NKAIN2: variants seen among roughly 807,000 people sequenced by gnomAD.
NKAIN2 encodes the protein sodium/potassium transporting ATPase interacting 2.
NKAIN2 carries 14 observed loss-of-function variants against 32.6 expected under a neutral mutation model. The observed-to-expected ratio is 0.43, with a 90% CI of 0.28 to 0.67. The LOEUF is 0.67. Ranked by LOEUF, NKAIN2 falls within the 30% of genes least tolerant of loss-of-function variation. The probability of loss-of-function intolerance (pLI) is 0.17; values close to 1 mark genes in which losing one functional copy is unlikely to be tolerated. For synonymous variants in NKAIN2, 80 were observed against 87.2 expected (o/e 0.92, Z 0.46); for missense variants, 198 against 258.3 (o/e 0.77, Z 1.60).
At chr6:124,492,133 A>C (rs559257718) in intron 3 of NKAIN2, among the ~76,000 whole-genome samples, 1 of 151,930 alleles carries the variant, frequency 6.6e-6, no homozygotes, top group Non-Finnish European at 1.5e-5. Flanking sequence ...TATAGCTCAC[A>C]GAATATTTTA....
At chr6:124,410,629 T>A (rs1370968184) in intron 3 of NKAIN2, among the ~76,000 whole-genome samples, 1 of 152,192 alleles carries the variant, frequency 6.6e-6, no homozygotes, top group Non-Finnish European at 1.5e-5. Context: ...TGTGGTCAAT[T>A]TTGGAATACA....
chr6:124,002,283 A>G (rs1417193252), intron 1 of NKAIN2, among the ~76,000 whole-genome samples: 2 of 152,142 alleles, frequency 1.3e-5, no homozygotes, highest in South Asian at 2.1e-4. Context: ...ATAGAGGGAA[A>G]ACATTAAAAA....
At chr6:123,965,975 G>T (rs140799379) in intron 1 of NKAIN2, among the ~76,000 whole-genome samples, 1 of 152,290 alleles carries the variant, frequency 6.6e-6, no homozygotes, top group African/African-American at 2.4e-5. Context: ...GCAAGTCTGT[G>T]TAGCTAGCTG....
chr6:124,162,156 T>C (rs1033036933), intron 1 of NKAIN2, among the ~76,000 whole-genome samples: 1 of 152,022 alleles, frequency 6.6e-6, no homozygotes, highest in African/African-American at 2.4e-5. Context: ...TTCTTAAGCA[T>C]CAGTGCCCTT....
At chr6:124,261,716 A>G (rs1378642896) in intron 1 of NKAIN2, among the ~76,000 whole-genome samples, 1 of 152,000 alleles carries the variant, frequency 6.6e-6, no homozygotes, top group African/African-American at 2.4e-5. Context: ...AAAAATTAGC[A>G]GGGCATTGTG....
At chr6:123,880,536 A>G (rs1356497408) in intron 1 of NKAIN2, among the ~76,000 whole-genome samples, 1 of 152,178 alleles carries the variant, frequency 6.6e-6, no homozygotes, top group Non-Finnish European at 1.5e-5. Context: ...TGGATGGTCC[A>G]CTAGCCACTG....
At chr6:124,787,332 A>T (rs1779551682) in intron 4 of NKAIN2, among the ~76,000 whole-genome samples, 1 of 152,110 alleles carries the variant, frequency 6.6e-6, no homozygotes, top group African/African-American at 2.4e-5. Context: ...ACAGTGAATT[A>T]AAAAATTAAA....
At chr6:124,332,773 A>T (rs1231256543) in intron 2 of NKAIN2, among the ~76,000 whole-genome samples, 2 of 152,220 alleles carry the variant, frequency 1.3e-5, no homozygotes, top group Non-Finnish European at 2.9e-5. Flanking sequence ...TGTTGCTATC[A>T]CCACTGTTGG....
intron 3 of NKAIN2, among the ~76,000 whole-genome samples, chr6:124,512,847 G>A (rs1443653063): frequency 6.6e-6 from 1 of 152,154 alleles, no homozygotes; most frequent in Admixed American, 6.5e-5. Flanking sequence ...TTACTGATAG[G>A]AGGGACGGTT....
intron 1 of NKAIN2, among the ~76,000 whole-genome samples, chr6:124,139,079 A>ATTTTTTTTTTTTTTTTT (rs900247440): frequency 5.0e-5 from 5 of 99,494 alleles, no homozygotes; most frequent in African/African-American, 8.5e-5. Flanking sequence ...TTAAATAAAA[A>ATTTTTTTTTTTTTTTTT]TTTTTTTTTT....
intron 1 of NKAIN2, among the ~76,000 whole-genome samples, chr6:123,969,524 G>A (rs111964931): frequency 2.0e-5 from 3 of 152,128 alleles, no homozygotes; most frequent in East Asian, 1.9e-4. Flanking sequence ...CAGTAATGCC[G>A]GAGCCAGAAT....
At chr6:124,313,000 G>A (rs1796787478) in intron 2 of NKAIN2, among the ~76,000 whole-genome samples, 1 of 152,014 alleles carries the variant, frequency 6.6e-6, no homozygotes, top group Non-Finnish European at 1.5e-5. Context: ...GGCCTAAAGT[G>A]CCCCAACATT....
chr6:124,774,423 G>A (rs750592487), intron 4 of NKAIN2, among the ~76,000 whole-genome samples: 3 of 152,160 alleles, frequency 2.0e-5, no homozygotes, highest in Non-Finnish European at 4.4e-5. Flanking sequence ...AACAGCTATG[G>A]ATACAGTTAG....
chr6:124,741,146 GTAGT>G (rs1777188145), intron 4 of NKAIN2, among the ~76,000 whole-genome samples: 1 of 151,644 alleles, frequency 6.6e-6, no homozygotes, highest in Non-Finnish European at 1.5e-5. Context: ...GTGAAGGAGT[GTAGT>G]TAGAGGAGGA....
At chr6:124,383,681 C>A (rs1181052833) in intron 3 of NKAIN2, among the ~76,000 whole-genome samples, 1 of 152,194 alleles carries the variant, frequency 6.6e-6, no homozygotes, top group African/African-American at 2.4e-5. Context: ...GTTTTCTCTC[C>A]ACTTCTGTAC....
intron 3 of NKAIN2, among the ~76,000 whole-genome samples, chr6:124,384,733 CCTT>C (rs1772815103): frequency 6.8e-6 from 1 of 147,150 alleles, no homozygotes; most frequent in Non-Finnish European, 1.5e-5. Context: ...TTCAAGCGAT[CCTT>C]CTCACTTCAG....
At chr6:124,556,040 A>T (rs1461173288) in intron 3 of NKAIN2, among the ~76,000 whole-genome samples, 2 of 149,574 alleles carry the variant, frequency 1.3e-5, no homozygotes, top group African/African-American at 4.9e-5. Flanking sequence ...ACTTCTTCCA[A>T]TTCTCCTTCA....
chr6:124,151,932 C>T (rs1192271621), intron 1 of NKAIN2, among the ~76,000 whole-genome samples: 1 of 151,838 alleles, frequency 6.6e-6, no homozygotes, highest in East Asian at 1.9e-4. Context: ...CTTTTTCGTA[C>T]ACTATCTCTT....
rs536428060 is a variant in NKAIN2, at chr6:124,516,442, C to T, written c.274-141744C>T. 3.3e-5 allele frequency among the ~76,000 whole-genome samples: 5 copies of T among 152,108 alleles called. No homozygotes were observed. In the East Asian group the frequency reaches 9.7e-4, roughly 29 times the overall value. The stretch of plus-strand genomic sequence containing the variant: ...AACGCTTTCTCCTAAATCGAGACTG[C>T]TCTACTTTCATCTTTCAGCCTGTTT... On this transcript the variant is annotated intron_variant, in intron 3 of 6. Transcript: ENST00000368417.
Sources: gnomAD v4.1 joint callset for allele counts (sites outside exome capture counted in the v4.1 genomes callset) on GRCh38, gnomAD v4.1.1 for gene constraint, MANE v1.5 for transcripts, NCBI Gene and HGNC (gene_info 2026-07-23, HGNC 2026-07-21) for gene names.